Variants in DISC1 observed in about 807,000 individuals in gnomAD.
DISC1 encodes disrupted in schizophrenia 1 protein.
DISC1 carries 57 observed loss-of-function variants against 84.5 expected under a neutral mutation model. The observed-to-expected ratio is 0.67, with a 90% CI of 0.55 to 0.84. The LOEUF (loss-of-function observed/expected upper bound fraction) is 0.84. Ranked by LOEUF, DISC1 falls within the 40% of genes least tolerant of loss-of-function variation. DISC1 has a pLI of 0.00. For synonymous variants in DISC1, 411 were observed against 415.2 expected (o/e 0.99, Z 0.12); for missense variants, 1,000 against 1,057.8 (o/e 0.95, Z 0.76).
chr1:231,846,874 T>G (rs539622799), intron 9 of DISC1, among the ~76,000 whole-genome samples: 7 of 152,220 alleles, frequency 4.6e-5, no homozygotes, highest in Non-Finnish European at 8.8e-5. Flanking sequence ...AACTAGAGTT[T>G]AGATCACTAG....
At chr1:231,937,606 G>A (rs2091058459) in intron 9 of DISC1, among the ~76,000 whole-genome samples, 1 of 152,170 alleles carries the variant, frequency 6.6e-6, no homozygotes, top group Non-Finnish European at 1.5e-5. Flanking sequence ...CCGGAACATG[G>A]TCTCTTCTCT....
intron 10 of DISC1, among the ~76,000 whole-genome samples, chr1:231,973,483 C>T (rs1369386372): frequency 6.6e-6 from 1 of 152,232 alleles, no homozygotes; most frequent in Non-Finnish European, 1.5e-5. Flanking sequence ...GAAGCCTTTT[C>T]CCATGTCCTT....
rs180933459 is a variant in DISC1, at chr1:231,903,879, G to A, written c.1982-54949G>A. On this transcript the variant is annotated intron_variant, in intron 9 of 12. Transcript: ENST00000439617. ...TCAGAGTTTTTAACAGAAGAGTCACGTGATCTGACTCGTGTTTAGAAGATT... is the reference window on the plus strand; with the variant it reads ...TCAGAGTTTTTAACAGAAGAGTCACATGATCTGACTCGTGTTTAGAAGATT... 9.8e-5 allele frequency among the ~76,000 whole-genome samples: 15 copies of A among 152,328 alleles called. No homozygotes were observed. The East Asian group carries it at 1.9e-3, about 20-fold the overall frequency.
chr1:231,669,269 A>G (rs980778598), intron 1 of DISC1, among the ~76,000 whole-genome samples: 1 of 152,144 alleles, frequency 6.6e-6, no homozygotes, highest in Non-Finnish European at 1.5e-5. Flanking sequence ...AACTATAAAA[A>G]CCCTGGAAGA....
chr1:232,003,125 T>C (rs1354517890), intron 10 of DISC1, among the ~76,000 whole-genome samples: 1 of 152,066 alleles, frequency 6.6e-6, no homozygotes, highest in Non-Finnish European at 1.5e-5. Flanking sequence ...CTAAAATCAA[T>C]GAGAAAACAC....
chr1:231,703,878 G>A (rs1227459937), intron 3 of DISC1, among the ~76,000 whole-genome samples: 1 of 152,180 alleles, frequency 6.6e-6, no homozygotes, highest in African/African-American at 2.4e-5. Context: ...GGTGACTGGG[G>A]TGTGTCCTGA....
At chr1:231,769,282 A>G (rs2076383694) in intron 5 of DISC1, among the ~76,000 whole-genome samples, 1 of 152,224 alleles carries the variant, frequency 6.6e-6, no homozygotes, top group Non-Finnish European at 1.5e-5. Context: ...CTGTCTCAAA[A>G]AAATTGAATG....
chr1:231,883,676 G>A (rs923469329), intron 9 of DISC1, among the ~76,000 whole-genome samples: 1 of 152,204 alleles, frequency 6.6e-6, no homozygotes, highest in African/African-American at 2.4e-5. Context: ...GGGAGCCTGA[G>A]GCCTGGTGAG....
At chr1:231,702,369 A>G (rs1434473775) in intron 3 of DISC1, 1 of 1,028,742 alleles carries the variant, frequency 9.7e-7, no homozygotes, top group Non-Finnish European at 1.2e-6. Context: ...CACCTATGAT[A>G]TGCTAGGGAA....
At chr1:231,771,239 GTCCTGAACAT>G in intron 6 of DISC1, 169 bp downstream of exon 6, 2 of 985,186 alleles carry the variant, frequency 2.0e-6, no homozygotes, top group South Asian at 9.4e-5. Context: ...GTGTGGGGCA[GTCCTGAACAT>G]TGCAAGTTAT....
At chr1:231,702,703 C>A in intron 3 of DISC1, 2 of 603,566 alleles carry the variant, frequency 3.3e-6, no homozygotes, top group Non-Finnish European at 4.2e-6. Flanking sequence ...GGGCTGCAAG[C>A]AGATGAGGGC....
intron 9 of DISC1, among the ~76,000 whole-genome samples, chr1:231,823,455 G>A (rs2081641335): frequency 6.6e-6 from 1 of 152,192 alleles, no homozygotes; most frequent in East Asian, 1.9e-4. Flanking sequence ...CTTCCTAGAA[G>A]TCACAGCAAA....
intron 4 of DISC1, among the ~76,000 whole-genome samples, chr1:231,765,802 G>A (rs1440679727): frequency 2.6e-5 from 4 of 152,128 alleles, no homozygotes; most frequent in Non-Finnish European, 2.9e-5. Context: ...ATTTTAAGTG[G>A]TTTTGACAGT....
At chr1:231,658,775 C>G (rs535594693) in intron 1 of DISC1, among the ~76,000 whole-genome samples, 3 of 152,068 alleles carry the variant, frequency 2.0e-5, no homozygotes, top group Non-Finnish European at 4.4e-5. Context: ...TGTGATGAAT[C>G]ACATTTATTG....
chr1:231,730,799 G>A (rs2071417456), intron 3 of DISC1, among the ~76,000 whole-genome samples: 1 of 152,158 alleles, frequency 6.6e-6, no homozygotes, highest in African/African-American at 2.4e-5. Context: ...TTTATCAGCT[G>A]TGCACCTAGA....
chr1:231,941,751 G>A (rs1012925278), intron 9 of DISC1, among the ~76,000 whole-genome samples: 110 of 152,264 alleles, frequency 7.2e-4, no homozygotes, highest in African/African-American at 2.6e-3. Flanking sequence ...GATTACAGGC[G>A]TGAGCCACCG....
At chr1:231,645,659 T>C (rs1253296760) in intron 1 of DISC1, among the ~76,000 whole-genome samples, 1 of 152,100 alleles carries the variant, frequency 6.6e-6, no homozygotes, top group Non-Finnish European at 1.5e-5. Context: ...CCTAATGCTA[T>C]CCCTCCCCGC....
chr1:231,998,278 C>T (rs1476220600), intron 10 of DISC1, among the ~76,000 whole-genome samples: 2 of 151,944 alleles, frequency 1.3e-5, no homozygotes, highest in Non-Finnish European at 1.5e-5. Context: ...TGAAGATCAA[C>T]ATTCATATAA....
intron 9 of DISC1, among the ~76,000 whole-genome samples, chr1:231,896,057 G>GGTGT (rs2087660295): frequency 6.6e-6 from 1 of 152,154 alleles, no homozygotes; most frequent in Admixed American, 6.5e-5. Context: ...CCAAAAGGCT[G>GGTGT]GTGTGGAGTC....
Sources: gnomAD v4.1 joint callset for allele counts (sites outside exome capture counted in the v4.1 genomes callset) on GRCh38, gnomAD v4.1.1 for gene constraint, MANE v1.5 for transcripts, NCBI Gene and HGNC (gene_info 2026-07-23, HGNC 2026-07-21) for gene names.